SAMD5: variants seen among roughly 807,000 people sequenced by gnomAD.
The protein encoded by SAMD5 is sterile alpha motif domain containing 5.
Under a neutral mutation model 11.3 loss-of-function variants are expected in SAMD5, and 13 were observed. The observed-to-expected ratio is 1.15, with a 90% CI of 0.75 to 1.83. The LOEUF is 1.83. Among genes scored for constraint, SAMD5 ranks in the 40% most tolerant of loss-of-function variants. SAMD5 has a pLI of 0.00. For missense variants in SAMD5, 255 were observed against 239.1 expected, an observed-to-expected ratio of 1.07 and a Z score of -0.44; for synonymous variants, 129 against 111.3, an observed-to-expected ratio of 1.16 and a Z score of -1.00.
chr6:147,822,996 T>G, the SAMD5 span, among the ~76,000 whole-genome samples: 1 of 152,054 alleles, frequency 6.6e-6, no homozygotes, highest in Non-Finnish European at 1.5e-5. Context: ...TTTATATTTT[T>G]GGTAGAGACA....
intron 1 of SAMD5, among the ~76,000 whole-genome samples, chr6:147,718,835 C>A (rs567785821): frequency 1.2e-3 from 184 of 152,216 alleles, no homozygotes; most frequent in East Asian, 7.4e-3. Flanking sequence ...AGACTACAGG[C>A]ATGTGCCACC....
chr6:147,651,590 T>G (rs1790484336), intron 1 of SAMD5, among the ~76,000 whole-genome samples: 1 of 152,112 alleles, frequency 6.6e-6, no homozygotes, highest in South Asian at 2.1e-4. Flanking sequence ...GAGGACACAG[T>G]GAGAAGGTGG....
chr6:147,922,576 G>C, the SAMD5 span, among the ~76,000 whole-genome samples: 2 of 152,170 alleles, frequency 1.3e-5, no homozygotes, highest in African/African-American at 4.8e-5. Flanking sequence ...GATAAGGTGA[G>C]GAGGGATATT....
the SAMD5 span, among the ~76,000 whole-genome samples, chr6:147,919,529 T>C: frequency 6.6e-6 from 1 of 152,180 alleles, no homozygotes; most frequent in East Asian, 1.9e-4. Flanking sequence ...ATGGCAAAGA[T>C]TCATTGGCAT....
the SAMD5 span, among the ~76,000 whole-genome samples, chr6:147,899,956 A>G: frequency 2.0e-5 from 3 of 152,220 alleles, no homozygotes; most frequent in Non-Finnish European, 4.4e-5. Context: ...AGGCAAGTGA[A>G]GGAGTCCCAG....
intron 1 of SAMD5, among the ~76,000 whole-genome samples, chr6:147,668,799 G>T (rs59031464): frequency 1.3e-5 from 2 of 151,972 alleles, no homozygotes; most frequent in Admixed American, 6.6e-5. Context: ...AGCCAACATC[G>T]CCTGGGAGAT....
intron 1 of SAMD5, among the ~76,000 whole-genome samples, chr6:147,718,127 A>G (rs770953951): frequency 6.6e-5 from 10 of 152,158 alleles, no homozygotes; most frequent in Non-Finnish European, 1.0e-4. Context: ...TGCGTACTAT[A>G]TGAGGTGAAT....
At chr6:147,527,677 G>A (rs1477953397) in intron 1 of SAMD5, among the ~76,000 whole-genome samples, 1 of 152,052 alleles carries the variant, frequency 6.6e-6, no homozygotes, top group Non-Finnish European at 1.5e-5. Flanking sequence ...AGCATTAACT[G>A]AAAGGTCCAA....
chr6:147,680,956 C>A (rs1790932319), intron 1 of SAMD5, among the ~76,000 whole-genome samples: 1 of 152,096 alleles, frequency 6.6e-6, no homozygotes, highest in Non-Finnish European at 1.5e-5. Context: ...CTTTAGTTTT[C>A]TTTTCCTGTA....
the SAMD5 span, among the ~76,000 whole-genome samples, chr6:147,928,702 A>G: frequency 1.3e-5 from 2 of 152,032 alleles, no homozygotes; most frequent in African/African-American, 4.8e-5. Flanking sequence ...GTTTTCTGCT[A>G]GCATTGGGCT....
chr6:147,618,440 G>A (rs1395416053), intron 1 of SAMD5, among the ~76,000 whole-genome samples: 1 of 152,198 alleles, frequency 6.6e-6, no homozygotes, highest in African/African-American at 2.4e-5. Context: ...AGGAAGGTGG[G>A]GCTGATTGGA....
At chr6:147,941,567 C>T in the SAMD5 span, among the ~76,000 whole-genome samples, 11 of 152,054 alleles carry the variant, frequency 7.2e-5, no homozygotes, top group South Asian at 1.0e-3. Flanking sequence ...TTAGGGGTAC[C>T]GTATCTGTTT....
the SAMD5 span, among the ~76,000 whole-genome samples, chr6:147,905,858 T>C: frequency 1.3e-5 from 2 of 152,198 alleles, no homozygotes; most frequent in South Asian, 4.1e-4. Flanking sequence ...GAGGCTTGCC[T>C]TTTATTGGGC....
chr6:147,727,002 C>A (rs1176604081), intron 1 of SAMD5, among the ~76,000 whole-genome samples: 1 of 152,202 alleles, frequency 6.6e-6, no homozygotes, highest in African/African-American at 2.4e-5. Context: ...TAACTAAAAA[C>A]TAGCATTTCT....
the SAMD5 span, among the ~76,000 whole-genome samples, chr6:147,833,844 A>T: frequency 6.6e-6 from 1 of 152,240 alleles, no homozygotes; most frequent in East Asian, 1.9e-4. Flanking sequence ...TCCTTTATTG[A>T]TGCTTCGTTT....
At chr6:147,805,481 A>G in the SAMD5 span, among the ~76,000 whole-genome samples, 1 of 152,190 alleles carries the variant, frequency 6.6e-6, no homozygotes, top group Admixed American at 6.5e-5. Flanking sequence ...GAAAAGACCT[A>G]GTATAGGGGA....
At chr6:147,861,250 C>T in the SAMD5 span, among the ~76,000 whole-genome samples, 125 of 152,020 alleles carry the variant, frequency 8.2e-4, no homozygotes, top group African/African-American at 2.6e-3. Flanking sequence ...TTGCAACCTT[C>T]GCCTCCCAGG....
At chr6:147,643,989 T>C (rs1488758527) in intron 1 of SAMD5, among the ~76,000 whole-genome samples, 7 of 152,152 alleles carry the variant, frequency 4.6e-5, no homozygotes, top group Non-Finnish European at 1.0e-4. Flanking sequence ...TTAAATGTCA[T>C]ACATAATGAC....
In SAMD5 at chr6:147,565,192, A is replaced by G; in HGVS notation, c.*736A>G. On this transcript the variant is annotated 3_prime_UTR_variant, in exon 2 of 2. Coordinates refer to ENST00000367474, the MANE Select transcript of SAMD5 (RefSeq NM_001030060.3). ...GCATCAAGCAAGAGCTAGCTATTTTACTTCATAGCTAGTTTCTTGCACTCT... is the reference window on the plus strand; with the variant it reads ...GCATCAAGCAAGAGCTAGCTATTTTGCTTCATAGCTAGTTTCTTGCACTCT... 3 of 985,752 alleles carry G rather than the reference A, an allele frequency of 3.0e-6. No individual in the cohort carries two copies. Among genetic ancestry groups the G allele is most frequent in the Non-Finnish European group, 3.6e-6 (3 of 829,884 alleles). The allele number at this position is 985,752 out of a possible 1,614,324, so 61.1% of individuals were successfully genotyped here.
Sources: gnomAD v4.1 joint callset for allele counts (sites outside exome capture counted in the v4.1 genomes callset) on GRCh38, gnomAD v4.1.1 for gene constraint, MANE v1.5 for transcripts, NCBI Gene and HGNC (gene_info 2026-07-23, HGNC 2026-07-21) for gene names.